Variants in SEC14L5 observed in about 807,000 individuals in gnomAD.
The protein encoded by SEC14L5 is SEC14 like lipid binding 5, also known as SEC14-like protein 5.
SEC14L5 carries 96 observed loss-of-function variants against 84.6 expected under a neutral mutation model. The observed-to-expected ratio is 1.13, with a 90% CI of 0.96 to 1.34. SEC14L5 has a LOEUF of 1.34. Ranked by LOEUF, SEC14L5 falls within the 40% of genes most tolerant of loss-of-function variation. The probability of loss-of-function intolerance (pLI) is 0.00; values close to 1 mark genes in which losing one functional copy is unlikely to be tolerated. For synonymous variants in SEC14L5, 546 were observed against 383.4 expected (o/e 1.42, Z -4.95); for missense variants, 1,224 against 942.5 (o/e 1.30, Z -3.91).
In SEC14L5 at chr16:4,962,425, T is replaced by C. The variant is rs150202817; in HGVS notation, c.63+3039T>C. Among the ~76,000 whole-genome samples, 1,405 of 152,182 alleles carry C rather than the reference T, an allele frequency of 9.2e-3. 18 individuals are homozygous for C. Among genetic ancestry groups the C allele is most frequent in the African/African-American group, 0.029 (1,205 of 41,542 alleles). ...ATCTGTGGCCAGGTATGGTGGATCA[T>C]GCCTGTAATCCCAACACTTTGGGAG... On this transcript the variant is annotated intron_variant, in intron 2 of 15. Transcript: ENST00000251170.
chr16:5,012,376 C>G (rs1333649491), intron 15 of SEC14L5, among the ~76,000 whole-genome samples: 1 of 152,102 alleles, frequency 6.6e-6, no homozygotes, highest in Non-Finnish European at 1.5e-5. Context: ...AGGGTGGTCA[C>G]CATGAGAGGA....
chr16:5,006,152 G>T (rs2302554), intron 12 of SEC14L5, 104 bp downstream of exon 12: 531,448 of 1,224,748 alleles, frequency 0.43, 116,739 homozygotes, highest in Middle Eastern at 0.47. Context: ...AGGGGGGCTG[G>T]GTGCGGCATG....
intron 2 of SEC14L5, among the ~76,000 whole-genome samples, chr16:4,982,654 G>A (rs1295579083): frequency 6.6e-6 from 1 of 152,210 alleles, no homozygotes; most frequent in Non-Finnish European, 1.5e-5. Flanking sequence ...AACCTCCTGT[G>A]CTCGTGGCCA....
At chr16:4,976,652 G>C (rs746703078) in intron 2 of SEC14L5, among the ~76,000 whole-genome samples, 10 of 152,198 alleles carry the variant, frequency 6.6e-5, no homozygotes, top group Non-Finnish European at 1.3e-4. Context: ...TTCCAGGATG[G>C]GGACCCGTAA....
intron 11 of SEC14L5, among the ~76,000 whole-genome samples, chr16:5,004,123 G>C (rs1160023738): frequency 2.0e-5 from 3 of 151,738 alleles, no homozygotes; most frequent in Admixed American, 6.5e-5. Flanking sequence ...CAGGGTGGCT[G>C]AGCAAAAAAG....
At chr16:4,987,294 G>T (rs1395105897) in intron 2 of SEC14L5, among the ~76,000 whole-genome samples, 2 of 150,768 alleles carry the variant, frequency 1.3e-5, no homozygotes. Flanking sequence ...CAGAGTCCCT[G>T]TGCTTCCTTC....
At chr16:4,992,743 A>G (rs1333114690) in intron 6 of SEC14L5, among the ~76,000 whole-genome samples, 2 of 152,244 alleles carry the variant, frequency 1.3e-5, no homozygotes, top group Non-Finnish European at 2.9e-5. Flanking sequence ...GGAAGATGTA[A>G]GAAGTACGAT....
At chr16:5,014,080 C>T (rs570567316) in intron 15 of SEC14L5, among the ~76,000 whole-genome samples, 3 of 152,384 alleles carry the variant, frequency 2.0e-5, no homozygotes, top group African/African-American at 7.2e-5. Flanking sequence ...TAAAGCTGCA[C>T]TGTCCTATCT....
chr16:4,974,248 C>T (rs369696976), intron 2 of SEC14L5, among the ~76,000 whole-genome samples: 2 of 152,136 alleles, frequency 1.3e-5, no homozygotes, highest in Non-Finnish European at 2.9e-5. Context: ...GACAGGGTCT[C>T]TCTGTTACCC....
At chr16:4,982,275 G>T (rs1955433277) in intron 2 of SEC14L5, among the ~76,000 whole-genome samples, 1 of 152,170 alleles carries the variant, frequency 6.6e-6, no homozygotes, top group South Asian at 2.1e-4. Context: ...TCTGTCCTCA[G>T]ATGCCGGCAC....
chr16:4,991,753 G>C (rs1307966482), intron 5 of SEC14L5, 85 bp from the exon 6 acceptor site: 2 of 888,128 alleles, frequency 2.3e-6, no homozygotes, highest in East Asian at 2.9e-5. Flanking sequence ...ACCTGAGCCG[G>C]CTGGGGGTGA....
At chr16:4,971,394 G>A (rs1424529687) in intron 2 of SEC14L5, among the ~76,000 whole-genome samples, 1 of 152,140 alleles carries the variant, frequency 6.6e-6, no homozygotes, top group African/African-American at 2.4e-5. Flanking sequence ...AGGAGGTCGA[G>A]GCTGCAGTGA....
At chr16:4,970,147 G>C (rs76714789) in intron 2 of SEC14L5, among the ~76,000 whole-genome samples, 2,254 of 152,052 alleles carry the variant, frequency 0.015, 36 homozygotes, top group South Asian at 0.036. Flanking sequence ...TGCCCTTATC[G>C]AGCCCTCAGC....
At chr16:4,970,041 C>T (rs1022737774) in intron 2 of SEC14L5, among the ~76,000 whole-genome samples, 2 of 152,170 alleles carry the variant, frequency 1.3e-5, no homozygotes, top group Non-Finnish European at 2.9e-5. Flanking sequence ...TGGTCTTGAA[C>T]TGCTGGGCTC....
rs893934682 is a variant in SEC14L5, at chr16:4,967,884, G to T, written c.63+8498G>T. Among the ~76,000 whole-genome samples the T allele has an allele frequency of 3.3e-5, 5 of 150,988 alleles. No homozygotes were observed. In the East Asian group the frequency reaches 7.9e-4, roughly 24 times the overall value. ...GGCCTCCCAAAGTGCTGTGATTACA[G>T]GCGTGACCACACCTGGCCTCCTTCC... On this transcript the variant is annotated intron_variant, in intron 2 of 15. Coordinates refer to ENST00000251170, the MANE Select transcript of SEC14L5 (RefSeq NM_014692.2).
At chr16:5,007,677 C>G (rs1955747715) in intron 13 of SEC14L5, among the ~76,000 whole-genome samples, 191 bp downstream of exon 13, 1 of 147,030 alleles carries the variant, frequency 6.8e-6, no homozygotes, top group African/African-American at 2.5e-5. Flanking sequence ...GCAATCTTGG[C>G]TCACTGCAAC....
chr16:4,986,639 C>T (rs921207679), intron 2 of SEC14L5, among the ~76,000 whole-genome samples: 2 of 152,180 alleles, frequency 1.3e-5, no homozygotes, highest in Non-Finnish European at 2.9e-5. Flanking sequence ...GCCATCTTAA[C>T]AATGTTAAGT....
intron 15 of SEC14L5, among the ~76,000 whole-genome samples, chr16:5,011,617 A>G (rs972171775): frequency 6.6e-6 from 1 of 152,140 alleles, no homozygotes; most frequent in African/African-American, 2.4e-5. Flanking sequence ...ATATTTTAGA[A>G]TATTCTAAAA....
In SEC14L5 at chr16:5,014,922, G is replaced by GTCC. The variant is rs758053771; in HGVS notation, c.2053_2055dup (p.Ser685dup). ...TCTCCCAGCTCAGCGCCGCCACCTCGTCCTCCTCCTCCGGCCAGTCTCATA... is the reference window on the plus strand; with the variant it reads ...TCTCCCAGCTCAGCGCCGCCACCTCGTCCTCCTCCTCCTCCGGCCAGTCTCATA... On this transcript the variant is annotated inframe_insertion, in exon 16 of 16. Coordinates refer to ENST00000251170, the MANE Select transcript of SEC14L5 (RefSeq NM_014692.2). 25 of 1,612,726 alleles carry GTCC rather than the reference G, an allele frequency of 1.6e-5. No individual in the cohort carries two copies. Among genetic ancestry groups the GTCC allele is most frequent in the African/African-American group, 2.7e-5 (2 of 74,908 alleles).
Sources: allele counts gnomAD v4.1 joint callset (sites outside exome capture counted in the v4.1 genomes callset), GRCh38; gene constraint gnomAD v4.1.1; transcripts MANE v1.5; gene names NCBI Gene and HGNC (gene_info 2026-07-23, HGNC 2026-07-21).